PCDH9: variants seen among roughly 807,000 people sequenced by gnomAD.
PCDH9 encodes protocadherin 9, also known as protocadherin-9.
In PCDH9, 24 loss-of-function variants were observed where a neutral mutation model predicts 70.6. That is an observed-to-expected ratio of 0.34 (90% CI 0.25 to 0.48). PCDH9 has a LOEUF of 0.48. PCDH9 is among the 20% of genes least tolerant of loss of function. The probability of loss-of-function intolerance (pLI) is 0.99; values close to 1 mark genes in which losing one functional copy is unlikely to be tolerated. For synonymous variants in PCDH9, 562 were observed against 558.5 expected (o/e 1.01, Z -0.09); for missense variants, 1,281 against 1,503.6 (o/e 0.85, Z 2.45).
intron 2 of PCDH9, among the ~76,000 whole-genome samples, chr13:67,098,049 G>A (rs1029980302): frequency 1.2e-4 from 19 of 152,146 alleles, no homozygotes; most frequent in African/African-American, 3.9e-4. Context: ...ATGCAAAAAC[G>A]CTTACACAAA....
intron 3 of PCDH9, among the ~76,000 whole-genome samples, chr13:66,850,533 AT>A (rs555916674): frequency 0.038 from 5,660 of 150,918 alleles, 357 homozygotes; most frequent in African/African-American, 0.13. Context: ...AAAAAAAAAA[AT>A]GTAAGTTAAA....
intron 3 of PCDH9, among the ~76,000 whole-genome samples, chr13:66,681,024 A>G (rs1210209026): frequency 1.3e-5 from 2 of 152,044 alleles, no homozygotes; most frequent in African/African-American, 2.4e-5. Flanking sequence ...CCTTATTCAA[A>G]TTCTATGTCT....
intron 4 of PCDH9, among the ~76,000 whole-genome samples, chr13:66,598,117 C>A (rs1042813299): frequency 1.8e-4 from 27 of 151,636 alleles, no homozygotes; most frequent in African/African-American, 5.8e-4. Context: ...AAATTAGAAC[C>A]TTTTTACACT....
intron 3 of PCDH9, among the ~76,000 whole-genome samples, chr13:66,772,488 T>C (rs2079823634): frequency 6.6e-6 from 1 of 152,222 alleles, no homozygotes. Context: ...GTTATTCTTT[T>C]ATATTAGAGT....
chr13:66,345,960 G>A (rs1165225364), intron 4 of PCDH9, among the ~76,000 whole-genome samples: 3 of 152,140 alleles, frequency 2.0e-5, no homozygotes, highest in South Asian at 2.1e-4. Flanking sequence ...GGGAAAAGCC[G>A]TCAATAAAAC....
chr13:66,869,123 T>A (rs2081626981), intron 3 of PCDH9, among the ~76,000 whole-genome samples: 1 of 152,166 alleles, frequency 6.6e-6, no homozygotes, highest in Admixed American at 6.5e-5. Flanking sequence ...CAGTCAGTCA[T>A]GGTTCAAGAC....
chr13:66,855,056 G>A (rs2081372937), intron 3 of PCDH9, among the ~76,000 whole-genome samples: 1 of 151,986 alleles, frequency 6.6e-6, no homozygotes, highest in Non-Finnish European at 1.5e-5. Flanking sequence ...TAAACACAGA[G>A]TTTGAAAATT....
At chr13:67,052,416 T>C (rs2085340114) in intron 2 of PCDH9, among the ~76,000 whole-genome samples, 1 of 152,200 alleles carries the variant, frequency 6.6e-6, no homozygotes, top group African/African-American at 2.4e-5. Flanking sequence ...AGGTGAGGTC[T>C]GCAGGGGTCA....
At chr13:66,859,829 C>T (rs147114491) in intron 3 of PCDH9, among the ~76,000 whole-genome samples, 1 of 152,098 alleles carries the variant, frequency 6.6e-6, no homozygotes, top group Non-Finnish European at 1.5e-5. Context: ...CTTTGTAATC[C>T]TTTGTTTTTA....
chr13:66,685,815 A>G (rs2139071486), intron 3 of PCDH9, among the ~76,000 whole-genome samples: 1 of 152,300 alleles, frequency 6.6e-6, no homozygotes, highest in Middle Eastern at 3.4e-3. Context: ...TGACTGCCCT[A>G]TTGCATTTTG....
chr13:66,555,989 GAA>G (rs1201547506), intron 4 of PCDH9, among the ~76,000 whole-genome samples: 1 of 148,294 alleles, frequency 6.7e-6, no homozygotes, highest in Non-Finnish European at 1.5e-5. Flanking sequence ...TAAATATGCT[GAA>G]AAGTGTCTTT....
intron 2 of PCDH9, among the ~76,000 whole-genome samples, chr13:66,959,942 T>C (rs933412700): frequency 3.9e-5 from 6 of 152,136 alleles, no homozygotes; most frequent in Admixed American, 2.6e-4. Flanking sequence ...TTTAACTTCC[T>C]AAGAACATTG....
chr13:67,132,748 CA>C (rs534312869), intron 2 of PCDH9, among the ~76,000 whole-genome samples: 23 of 151,826 alleles, frequency 1.5e-4, no homozygotes, highest in Non-Finnish European at 2.9e-4. Flanking sequence ...AAGTATATGT[CA>C]AAAATATTGG....
At chr13:67,042,778 A>C (rs2085147009) in intron 2 of PCDH9, among the ~76,000 whole-genome samples, 1 of 152,212 alleles carries the variant, frequency 6.6e-6, no homozygotes, top group Admixed American at 6.5e-5. Context: ...AAAAACAGGC[A>C]AGAAAATACT....
At chr13:67,007,706 T>G (rs2084379553) in intron 2 of PCDH9, among the ~76,000 whole-genome samples, 2 of 152,328 alleles carry the variant, frequency 1.3e-5, no homozygotes, top group Middle Eastern at 3.4e-3. Flanking sequence ...CACTTTTGTT[T>G]CCGTGTTCCT....
intron 4 of PCDH9, among the ~76,000 whole-genome samples, chr13:66,613,032 A>C (rs1049924771): frequency 6.6e-6 from 1 of 152,114 alleles, no homozygotes; most frequent in African/African-American, 2.4e-5. Context: ...GTTGCTTCTA[A>C]GCCTTTTCAT....
intron 4 of PCDH9, among the ~76,000 whole-genome samples, chr13:66,626,532 A>G (rs934113770): frequency 2.0e-5 from 3 of 152,114 alleles, no homozygotes; most frequent in African/African-American, 7.2e-5. Context: ...CAGACCAATG[A>G]CCCAGGGTTG....
intron 3 of PCDH9, among the ~76,000 whole-genome samples, chr13:66,733,261 C>A (rs1382871654): frequency 1.3e-5 from 2 of 152,064 alleles, no homozygotes; most frequent in Non-Finnish European, 2.9e-5. Context: ...GTCCCTTTAA[C>A]CATGACATCA....
At chr13:67,128,249 A>G (rs1237050936) in intron 2 of PCDH9, among the ~76,000 whole-genome samples, 2 of 152,182 alleles carry the variant, frequency 1.3e-5, no homozygotes, top group Admixed American at 6.6e-5. Flanking sequence ...ATGTAAAGAC[A>G]GTGTTTAGAG....
Sources: gnomAD v4.1 joint callset for allele counts (sites outside exome capture counted in the v4.1 genomes callset) on GRCh38, gnomAD v4.1.1 for gene constraint, MANE v1.5 for transcripts, NCBI Gene and HGNC (gene_info 2026-07-23, HGNC 2026-07-21) for gene names.